The following CSMD1 variants were observed in gnomAD, a reference collection of about 807,000 sequenced individuals.
The protein encoded by CSMD1 is CUB and Sushi multiple domains 1.
A neutral mutation model predicts 417.5 loss-of-function variants in CSMD1; 213 were observed. That is an observed-to-expected ratio of 0.51 (90% CI 0.46 to 0.57). The LOEUF is 0.57. Among genes scored for constraint, CSMD1 ranks in the 20% least tolerant of loss-of-function variants. The pLI is 0.00. For missense variants in CSMD1, 6,923 were observed against 4,529.7 expected, an observed-to-expected ratio of 1.53 and a Z score of -15.17; for synonymous variants, 2,862 against 1,736.8, an observed-to-expected ratio of 1.65 and a Z score of -16.11.
At chr8:4,720,368 T>C (rs1018067585) in intron 1 of CSMD1, among the ~76,000 whole-genome samples, 2 of 152,108 alleles carry the variant, frequency 1.3e-5, no homozygotes, top group East Asian at 3.9e-4. Context: ...AAGGAAAATA[T>C]GACAAACTAT....
chr8:4,045,219 C>T (rs1355394433), intron 3 of CSMD1, among the ~76,000 whole-genome samples: 3 of 152,154 alleles, frequency 2.0e-5, no homozygotes, highest in African/African-American at 7.2e-5. Context: ...ATGTGGGCGA[C>T]AGTTGTCCCA....
At chr8:4,631,179 G>T (rs1320968034) in intron 2 of CSMD1, among the ~76,000 whole-genome samples, 2 of 152,016 alleles carry the variant, frequency 1.3e-5, no homozygotes, top group Non-Finnish European at 2.9e-5. Flanking sequence ...TGGCCAATAT[G>T]GTGAAACCCT....
chr8:4,565,792 ATATATGTATACATATATATATT>A (rs1798578761), intron 2 of CSMD1, among the ~76,000 whole-genome samples: 1 of 71,912 alleles, frequency 1.4e-5, no homozygotes, highest in African/African-American at 4.9e-5. Context: ...ATATATATAT[ATATATGTATACATATATATATT>A]ATATACACAC....
At chr8:4,104,413 C>CACACACACACAT (rs1177992450) in intron 3 of CSMD1, among the ~76,000 whole-genome samples, 2 of 145,612 alleles carry the variant, frequency 1.4e-5, no homozygotes, top group African/African-American at 5.4e-5. Context: ...CACATGCACA[C>CACACACACACAT]GCACACACAC....
At chr8:4,476,318 T>C (rs372699350) in intron 2 of CSMD1, among the ~76,000 whole-genome samples, 2 of 152,270 alleles carry the variant, frequency 1.3e-5, no homozygotes, top group South Asian at 2.1e-4. Flanking sequence ...ACACGAAATT[T>C]CACATGTCAA....
chr8:3,304,452 A>T (rs1338545973), intron 25 of CSMD1, among the ~76,000 whole-genome samples: 1 of 152,164 alleles, frequency 6.6e-6, no homozygotes, highest in Non-Finnish European at 1.5e-5. Flanking sequence ...CACCATACTA[A>T]AAATTGCATT....
chr8:3,926,581 T>C (rs1169979122), intron 5 of CSMD1, among the ~76,000 whole-genome samples: 1 of 151,954 alleles, frequency 6.6e-6, no homozygotes, highest in East Asian at 1.9e-4. Context: ...TTCTAACATT[T>C]ATTTCTGGTT....
At chr8:3,514,946 A>G (rs551761854) in intron 10 of CSMD1, among the ~76,000 whole-genome samples, 1 of 152,336 alleles carries the variant, frequency 6.6e-6, no homozygotes, top group African/African-American at 2.4e-5. Context: ...ATTTGAATTG[A>G]TAAATATTAT....
intron 5 of CSMD1, among the ~76,000 whole-genome samples, chr8:3,934,576 C>A (rs939770845): frequency 1.3e-5 from 2 of 152,102 alleles, no homozygotes; most frequent in African/African-American, 4.8e-5. Context: ...TATATTTGGC[C>A]AGGCGCGGTG....
intron 3 of CSMD1, among the ~76,000 whole-genome samples, chr8:4,158,999 T>C (rs1416005598): frequency 6.6e-6 from 1 of 152,192 alleles, no homozygotes; most frequent in African/African-American, 2.4e-5. Flanking sequence ...CACCACAACC[T>C]TCACCTCCCA....
intron 5 of CSMD1, among the ~76,000 whole-genome samples, chr8:3,925,179 G>A (rs183059171): frequency 6.6e-6 from 1 of 152,166 alleles, no homozygotes; most frequent in Non-Finnish European, 1.5e-5. Flanking sequence ...GAAATTATGA[G>A]AAAAGAAATG....
At chr8:4,208,503 A>G (rs1327656296) in intron 3 of CSMD1, among the ~76,000 whole-genome samples, 1 of 152,214 alleles carries the variant, frequency 6.6e-6, no homozygotes, top group Non-Finnish European at 1.5e-5. Context: ...GTAGTTTATT[A>G]ATCTGTGATA....
At chr8:3,832,875 CAAG>C (rs1454719516) in intron 5 of CSMD1, among the ~76,000 whole-genome samples, 18 of 152,050 alleles carry the variant, frequency 1.2e-4, no homozygotes, top group African/African-American at 4.3e-4. Context: ...TTGGAGAATC[CAAG>C]AAGAAAACCC....
At chr8:4,040,195 G>A (rs1042796415) in intron 3 of CSMD1, among the ~76,000 whole-genome samples, 3 of 151,392 alleles carry the variant, frequency 2.0e-5, no homozygotes, top group Admixed American at 6.6e-5. Flanking sequence ...TGAAGGAGAA[G>A]GACATCGTAG....
At chr8:3,140,015 G>C (rs1818339626) in intron 41 of CSMD1, among the ~76,000 whole-genome samples, 1 of 150,080 alleles carries the variant, frequency 6.7e-6, no homozygotes, top group African/African-American at 2.5e-5. Context: ...TGATTCTCCT[G>C]TCTCAGCCTC....
chr8:4,964,781 G>T (rs909571376), intron 1 of CSMD1, among the ~76,000 whole-genome samples: 1 of 152,246 alleles, frequency 6.6e-6, no homozygotes, highest in South Asian at 2.1e-4. Context: ...TTTTGTGAAT[G>T]AAATTGTTCT....
At chr8:4,621,591 T>G (rs1007304199) in intron 2 of CSMD1, among the ~76,000 whole-genome samples, 2 of 152,090 alleles carry the variant, frequency 1.3e-5, no homozygotes, top group South Asian at 2.1e-4. Flanking sequence ...CAGGAGCAGA[T>G]TTTTCTGTCT....
intron 2 of CSMD1, among the ~76,000 whole-genome samples, chr8:4,467,099 G>A (rs1282422670): frequency 3.0e-5 from 4 of 133,426 alleles, no homozygotes; most frequent in African/African-American, 1.1e-4. Context: ...TTTCAACTTA[G>A]TCTTGCTCTA....
chr8:4,556,764 A>C (rs1364805367), intron 2 of CSMD1, among the ~76,000 whole-genome samples: 1 of 152,224 alleles, frequency 6.6e-6, no homozygotes, highest in Non-Finnish European at 1.5e-5. Flanking sequence ...CTCAAATCCA[A>C]AATGATCCAA....
Sources: allele counts gnomAD v4.1 joint callset (sites outside exome capture counted in the v4.1 genomes callset), GRCh38; gene constraint gnomAD v4.1.1; transcripts MANE v1.5; gene names NCBI Gene and HGNC (gene_info 2026-07-23, HGNC 2026-07-21).